PDE1C: variants seen among roughly 807,000 people sequenced by gnomAD.
PDE1C encodes phosphodiesterase 1C, also known as dual specificity calcium/calmodulin-dependent 3',5'-cyclic nucleotide phosphodiesterase 1C.
A neutral mutation model predicts 93.1 loss-of-function variants in PDE1C; 62 were observed. The observed-to-expected ratio is 0.67, with a 90% CI of 0.54 to 0.82. PDE1C has a LOEUF of 0.82. Ranked by LOEUF, PDE1C falls within the 40% of genes least tolerant of loss-of-function variation. The pLI is 0.00. For missense variants in PDE1C, 742 were observed against 884.6 expected, an observed-to-expected ratio of 0.84 and a Z score of 2.04; for synonymous variants, 325 against 310.1, an observed-to-expected ratio of 1.05 and a Z score of -0.50.
chr7:31,996,079 A>ACACG lies in PDE1C; in HGVS notation c.128+55474_128+55475insCGTG, dbSNP rs563326096. Among the ~76,000 whole-genome samples, 493 of 125,268 alleles carry ACACG rather than the reference A, an allele frequency of 3.9e-3. 2 individuals are homozygous for ACACG. Among genetic ancestry groups the ACACG allele is most frequent in the African/African-American group, 0.012 (455 of 38,706 alleles). 82.2% of individuals were successfully genotyped at this position (125,268 alleles called of 152,430 possible). A position where few individuals can be genotyped will look rare whatever the true frequency, so the allele number is the denominator to read the frequency against. On this transcript the variant is annotated intron_variant, in intron 2 of 17. Transcript: ENST00000396191. ...TTTACGCTTCCGGACACACACACAC[A>ACACG]CACACACACACACACACACACACAC...
intron 2 of PDE1C, among the ~76,000 whole-genome samples, chr7:32,180,969 TG>T (rs1803364821): frequency 6.6e-6 from 1 of 152,150 alleles, no homozygotes; most frequent in African/African-American, 2.4e-5. Flanking sequence ...AAATAATAGC[TG>T]GAAGTAATGA....
the PDE1C span, among the ~76,000 whole-genome samples, chr7:31,713,092 A>G: frequency 2.6e-5 from 4 of 152,164 alleles, no homozygotes; most frequent in South Asian, 4.1e-4. Flanking sequence ...CATTAACTCA[A>G]AAGTCGACAG....
Position 32,102,368 on chromosome 7 carries a change from CT to C in PDE1C, c.308+67416del, listed in dbSNP as rs560401087. On this transcript the variant is annotated intron_variant, in intron 3 of 18. Coordinates refer to the PDE1C transcript ENST00000396193. ...TACTGGAGGTCTACTAGTTTTTTTG[CT>C]TGGCATATTTGGGTTCAAATCCCTA... is the stretch of plus-strand genomic sequence containing the variant. Among the ~76,000 whole-genome samples the C allele has an allele frequency of 1.3e-3, 197 of 152,264 alleles. 2 individuals are homozygous for C. The highest frequency in any genetic ancestry group is 2.2e-3 in the Admixed American group (34 of 15,300).
At chr7:31,965,716 G>A (rs1268391452) in intron 2 of PDE1C, among the ~76,000 whole-genome samples, 1 of 152,116 alleles carries the variant, frequency 6.6e-6, no homozygotes, top group Non-Finnish European at 1.5e-5. Context: ...GAGAAAGGTC[G>A]GGTTACCCAC....
intron 1 of PDE1C, among the ~76,000 whole-genome samples, chr7:32,359,703 T>A (rs1027866671): frequency 1.3e-5 from 2 of 152,266 alleles, no homozygotes; most frequent in African/African-American, 2.4e-5. Flanking sequence ...TGTAAGAGGC[T>A]GTCTTATTTT....
chr7:32,078,929 A>C (rs936802218), intron 3 of PDE1C, among the ~76,000 whole-genome samples: 5 of 147,282 alleles, frequency 3.4e-5, no homozygotes, highest in South Asian at 2.1e-4. Context: ...CACTCTCTCA[A>C]AAAAAAAAAA....
chr7:32,176,903 C>G lies in PDE1C; in HGVS notation c.137-6947G>C, dbSNP rs536455319. ...CAGACAGTAGGAGAAGGTAAAGAAG[C>G]CTGTTGTGTTAGATTTGAACTAGAA... On this transcript the variant is annotated intron_variant, in intron 2 of 18. Coordinates refer to the PDE1C transcript ENST00000396193. Among the ~76,000 whole-genome samples the G allele has an allele frequency of 1.8e-4, 28 of 152,206 alleles. No homozygotes were observed. In the South Asian group the frequency reaches 5.4e-3, roughly 29 times the overall value.
At chr7:32,263,467 C>A (rs1240569830) in intron 1 of PDE1C, among the ~76,000 whole-genome samples, 1 of 151,864 alleles carries the variant, frequency 6.6e-6, no homozygotes. Flanking sequence ...GGCCTTTTAC[C>A]CCTAAATACT....
At chr7:31,909,151 T>C (rs2128934396) in intron 2 of PDE1C, among the ~76,000 whole-genome samples, 1 of 152,268 alleles carries the variant, frequency 6.6e-6, no homozygotes, top group Non-Finnish European at 1.5e-5. Context: ...AGGCAATTAC[T>C]CCTGTCCTCT....
chr7:31,835,558 G>A (rs561839727), intron 11 of PDE1C, among the ~76,000 whole-genome samples: 56 of 151,124 alleles, frequency 3.7e-4, no homozygotes, highest in African/African-American at 1.2e-3. Flanking sequence ...GTGTGTGTGC[G>A]TGCATGTGCA....
chr7:32,420,180 C>CACATATATATGTGTATATATAT (rs1270588207), intron 1 of PDE1C, among the ~76,000 whole-genome samples: 1 of 23,672 alleles, frequency 4.2e-5, no homozygotes, highest in Non-Finnish European at 9.3e-5. Context: ...TATATATATA[C>CACATATATATGTGTATATATAT]ACATATATAT....
intron 16 of PDE1C, among the ~76,000 whole-genome samples, chr7:31,797,430 T>C (rs1336421972): frequency 6.6e-6 from 1 of 151,788 alleles, no homozygotes; most frequent in Non-Finnish European, 1.5e-5. Context: ...ACTATATGTA[T>C]AAACTGCCTC....
At chr7:31,778,694 C>T (rs1409148399) in intron 16 of PDE1C, among the ~76,000 whole-genome samples, 1 of 152,178 alleles carries the variant, frequency 6.6e-6, no homozygotes, top group Non-Finnish European at 1.5e-5. Context: ...AATAGTCACT[C>T]CCACATATTA....
intron 1 of PDE1C, among the ~76,000 whole-genome samples, chr7:32,417,976 TTGTTTG>T (rs1416618850): frequency 2.0e-5 from 3 of 152,154 alleles, no homozygotes; most frequent in Non-Finnish European, 4.4e-5. Context: ...GTGTTTTTGT[TTGTTTG>T]TTTTTGTTTT....
chr7:31,822,990 T>C (rs1789165901), intron 14 of PDE1C, 83 bp downstream of exon 14: 2 of 1,147,026 alleles, frequency 1.7e-6, no homozygotes, highest in Non-Finnish European at 1.2e-6. Flanking sequence ...TGAGCAACTG[T>C]GCTTTATTTG....
intron 15 of PDE1C, among the ~76,000 whole-genome samples, chr7:31,812,851 G>A (rs1485845208): frequency 2.0e-5 from 3 of 152,074 alleles, no homozygotes; most frequent in Non-Finnish European, 2.9e-5. Context: ...CCAAACCACA[G>A]GGACAAGCTG....
chr7:31,661,041 C>T, the PDE1C span, among the ~76,000 whole-genome samples: 39 of 151,958 alleles, frequency 2.6e-4, 1 homozygote, highest in South Asian at 1.3e-3. Flanking sequence ...ATTTGTTGAA[C>T]GGGGTAGAGA....
intron 3 of PDE1C, among the ~76,000 whole-genome samples, chr7:32,119,244 A>G (rs1482012021): frequency 6.6e-6 from 1 of 152,164 alleles, no homozygotes; most frequent in African/African-American, 2.4e-5. Context: ...CACTCTAACT[A>G]CTAAGCCAAA....
At chr7:31,671,474 C>T in the PDE1C span, among the ~76,000 whole-genome samples, 6 of 152,174 alleles carry the variant, frequency 3.9e-5, no homozygotes, top group Non-Finnish European at 5.9e-5. Flanking sequence ...TTCCAAGTAA[C>T]ATTGTATCTC....
Sources: allele counts gnomAD v4.1 joint callset (sites outside exome capture counted in the v4.1 genomes callset), GRCh38; gene constraint gnomAD v4.1.1; transcripts MANE v1.5; gene names NCBI Gene and HGNC (gene_info 2026-07-23, HGNC 2026-07-21).